NCOR1: variants seen among roughly 807,000 people sequenced by gnomAD.
The protein encoded by NCOR1 is nuclear receptor corepressor 1.
A neutral mutation model predicts 288.1 loss-of-function variants in NCOR1; 63 were observed. The observed-to-expected ratio is 0.22, with a 90% CI of 0.18 to 0.27. The LOEUF is 0.27. Among genes scored for constraint, NCOR1 ranks in the 10% least tolerant of loss-of-function variants. The pLI is 1.00. For missense variants in NCOR1, 2,397 were observed against 3,019.2 expected (o/e 0.79, Z 4.83); for synonymous variants, 1,007 against 1,065.9 (o/e 0.94, Z 1.08).
chr17:16,146,540 T>C lies in NCOR1; in HGVS notation c.918A>G (p.Lys306=). 6.3e-7 allele frequency: 1 copy of C among 1,582,296 alleles called. No homozygotes were observed. The highest frequency in any genetic ancestry group is 1.2e-5 in the South Asian group (1 of 83,674). The change falls in exon 10 of 46, where the codon AAA becomes AAG. Residue 306 remains lysine (K), a synonymous_variant. Coordinates refer to ENST00000268712, the MANE Select transcript of NCOR1 (RefSeq NM_006311.4). Reference sequence around the variant, plus strand: ...TGAGCTGATCATAACGCTGGCAGATTTTTTGTTCCTATTAAATATCCGTAG... The same window carrying C: ...TGAGCTGATCATAACGCTGGCAGATCTTTTGTTCCTATTAAATATCCGTAG... ...RNHARKQREQ[K]ICQRYDQLME...
intron 1 of NCOR1, among the ~76,000 whole-genome samples, chr17:16,204,716 C>A (rs1043989980): frequency 2.0e-5 from 3 of 152,156 alleles, no homozygotes; most frequent in Admixed American, 6.5e-5. Flanking sequence ...TAATAAGAGT[C>A]ACAGCTAACA....
intron 18 of NCOR1, among the ~76,000 whole-genome samples, chr17:16,111,290 T>C (rs555486313): frequency 2.0e-5 from 3 of 152,248 alleles, no homozygotes; most frequent in South Asian, 4.2e-4. Context: ...GTCAAATATA[T>C]AGAAACACAG....
At chr17:16,117,822 A>AAAC (rs1247939182) in intron 18 of NCOR1, 66 bp downstream of exon 18, 12 of 1,520,988 alleles carry the variant, frequency 7.9e-6, no homozygotes, top group South Asian at 1.3e-5. Context: ...ACTCCATCTC[A>AAAC]AACAACAACA....
intron 3 of NCOR1, 129 bp from the exon 4 acceptor site, chr17:16,172,124 C>A (rs533083637): frequency 1.6e-6 from 1 of 642,034 alleles, no homozygotes; most frequent in East Asian, 3.0e-5. Context: ...GAATCCGTAC[C>A]CCTTCTGTTC....
intron 33 of NCOR1, 110 bp downstream of exon 33, chr17:16,065,375 C>A: frequency 8.1e-7 from 1 of 1,232,904 alleles, no homozygotes; most frequent in Non-Finnish European, 1.1e-6. Context: ...ATATAGTATT[C>A]TTTTCTTTCT....
intron 7 of NCOR1, among the ~76,000 whole-genome samples, chr17:16,152,478 T>A (rs537139280): frequency 6.6e-6 from 1 of 152,196 alleles, no homozygotes; most frequent in Non-Finnish European, 1.5e-5. Flanking sequence ...ACAAAGGACA[T>A]GAACTCATCC....
intron 20 of NCOR1, among the ~76,000 whole-genome samples, chr17:16,100,688 T>A (rs1031994429): frequency 3.9e-5 from 6 of 152,234 alleles, no homozygotes; most frequent in African/African-American, 1.4e-4. Flanking sequence ...CCTGATATTT[T>A]AAATTACAAA....
Position 16,126,273 on chromosome 17 carries a change from AATT to A in NCOR1, c.1510-70_1510-68del. The A allele has an allele frequency of 3.5e-6, 5 of 1,410,922 alleles. No homozygotes were observed. The Admixed American group carries it at 1.1e-4, about 30-fold the overall frequency. 87.4% of individuals were successfully genotyped at this position (1,410,922 alleles called of 1,614,324 possible). A position where few individuals can be genotyped will look rare whatever the true frequency, so the allele number is the denominator to read the frequency against. On this transcript the variant is annotated intron_variant, in intron 14 of 45. Coordinates refer to ENST00000268712, the MANE Select transcript of NCOR1 (RefSeq NM_006311.4). ...AGAAATAGCTCCTTATAGTGTGATA[AATT>A]ATGTCTATCTAAAAAAATTTTAAAT... is the stretch of plus-strand genomic sequence containing the variant.
At position 16,194,462 on chromosome 17, in the gene NCOR1, C is replaced by T. The variant is rs763327303; in HGVS notation, c.108G>A (p.Gln36=). The T allele has an allele frequency of 3.1e-6, 5 of 1,588,076 alleles. No individual in the cohort carries two copies. In the South Asian group the frequency reaches 5.6e-5, roughly 18 times the overall value. ...QYTFPNTRHQ[Q]EFAVPDYRSS... The stretch of plus-strand genomic sequence containing the variant: ...AATTTGCATACTATCTGTTCCTTAC[C>T]TGCTGGTGGCGGGTGTTGGGAAATG... The change falls in exon 2 of 46, where the codon CAG becomes CAA. Residue 36 remains glutamine (Q), a splice_region_variant and synonymous_variant. Transcript: ENST00000268712.
intron 11 of NCOR1, among the ~76,000 whole-genome samples, chr17:16,141,287 T>C (rs1277501623): frequency 1.3e-5 from 2 of 152,170 alleles, no homozygotes. Context: ...TAAAGAGTTA[T>C]GTATTTCAAT....
intron 5 of NCOR1, among the ~76,000 whole-genome samples, chr17:16,164,438 A>T (rs534492821): frequency 6.6e-6 from 1 of 152,300 alleles, no homozygotes; most frequent in South Asian, 2.1e-4. Context: ...GCACATAAGG[A>T]ACCCAAATAA....
intron 6 of NCOR1, among the ~76,000 whole-genome samples, chr17:16,155,880 TGGGGAGTACATATCAGAAAGCCTG>T (rs1393314079): frequency 6.6e-6 from 1 of 152,112 alleles, no homozygotes; most frequent in African/African-American, 2.4e-5. Flanking sequence ...GAAAAAGCCT[TGGGGAGTACATATCAGAAAGCCTG>T]GGTTCTAGGC....
chr17:16,055,939 G>A (rs1313193434), intron 40 of NCOR1, among the ~76,000 whole-genome samples: 2 of 152,088 alleles, frequency 1.3e-5, no homozygotes. Context: ...TTTGGGGGTC[G>A]GGGCAAGCGG....
intron 40 of NCOR1, among the ~76,000 whole-genome samples, chr17:16,050,640 CTCAA>C (rs2059200733): frequency 6.6e-6 from 1 of 152,150 alleles, no homozygotes; most frequent in Non-Finnish European, 1.5e-5. Context: ...TATGGCCTTT[CTCAA>C]TCAGCCCATC....
At chr17:16,037,835 T>C (rs575783322) in intron 44 of NCOR1, among the ~76,000 whole-genome samples, 2 of 152,330 alleles carry the variant, frequency 1.3e-5, no homozygotes, top group East Asian at 3.9e-4. Context: ...CCTCTGACTG[T>C]GCTCTAAAAG....
chr17:16,063,995 C>A, intron 35 of NCOR1, 73 bp downstream of exon 35: 2 of 1,451,396 alleles, frequency 1.4e-6, no homozygotes, highest in Non-Finnish European at 1.8e-6. Context: ...ACTTTTTGTG[C>A]GCAGCATTAA....
chr17:16,033,049 G>C (rs1007076030), intron 45 of NCOR1, among the ~76,000 whole-genome samples: 1 of 152,080 alleles, frequency 6.6e-6, no homozygotes, highest in Non-Finnish European at 1.5e-5. Context: ...TACAGCTTAA[G>C]AAAACGCAAA....
intron 18 of NCOR1, among the ~76,000 whole-genome samples, chr17:16,117,514 G>GA (rs34706253): frequency 0.083 from 8,580 of 103,674 alleles, 988 homozygotes; most frequent in African/African-American, 0.28. Flanking sequence ...CTGGAGCTCA[G>GA]AAAAAAAAAA....
At chr17:16,106,764 C>T (rs189952830) in intron 19 of NCOR1, among the ~76,000 whole-genome samples, 1 of 147,706 alleles carries the variant, frequency 6.8e-6, no homozygotes, top group Admixed American at 6.8e-5. Flanking sequence ...AGAGAGCCTA[C>T]AATTCTACTG....
Sources: gnomAD v4.1 joint callset for allele counts (sites outside exome capture counted in the v4.1 genomes callset) on GRCh38, gnomAD v4.1.1 for gene constraint, MANE v1.5 for transcripts, NCBI Gene and HGNC (gene_info 2026-07-23, HGNC 2026-07-21) for gene names.